The following CMIP variants were observed in gnomAD, a reference collection of about 807,000 sequenced individuals.
CMIP encodes C-Maf-inducing protein.
In CMIP, 13 loss-of-function variants were observed where a neutral mutation model predicts 97.3. That is an observed-to-expected ratio of 0.13 (90% CI 0.09 to 0.21). CMIP has a LOEUF of 0.21. CMIP is among the 10% of genes least tolerant of loss of function. CMIP has a pLI of 1.00. For missense variants in CMIP, 847 were observed against 1,024.9 expected, an observed-to-expected ratio of 0.83 and a Z score of 2.37; for synonymous variants, 538 against 436.3, an observed-to-expected ratio of 1.23 and a Z score of -2.91.
intron 3 of CMIP, among the ~76,000 whole-genome samples, chr16:81,650,528 C>T (rs563660537): frequency 4.6e-5 from 7 of 151,408 alleles, no homozygotes; most frequent in South Asian, 2.1e-4. Flanking sequence ...TTCATGGGGG[C>T]GACACCAGTG....
intron 1 of CMIP, among the ~76,000 whole-genome samples, chr16:81,508,364 C>T (rs575358852): frequency 9.9e-5 from 15 of 152,256 alleles, no homozygotes; most frequent in Middle Eastern, 3.4e-3. Flanking sequence ...TTTGTTTAAA[C>T]GAATGATAGA....
intron 1 of CMIP, among the ~76,000 whole-genome samples, chr16:81,465,059 G>C (rs1166315704): frequency 6.6e-6 from 1 of 152,022 alleles, no homozygotes; most frequent in Admixed American, 6.5e-5. Flanking sequence ...TGGTTCTTTT[G>C]GATATACATC....
At chr16:81,620,529 C>T (rs1484064321) in intron 2 of CMIP, 2 of 253,270 alleles carry the variant, frequency 7.9e-6, no homozygotes, top group Non-Finnish European at 1.6e-5. Context: ...CATCCTCACT[C>T]CCAGGCCTCC....
intron 3 of CMIP, among the ~76,000 whole-genome samples, chr16:81,646,982 T>C (rs2092371061): frequency 1.3e-5 from 2 of 152,222 alleles, no homozygotes; most frequent in Admixed American, 6.5e-5. Context: ...GGAACAGAAT[T>C]GCTGGGTCAT....
chr16:81,629,969 G>A (rs1275602284), intron 3 of CMIP, among the ~76,000 whole-genome samples: 1 of 152,182 alleles, frequency 6.6e-6, no homozygotes, highest in African/African-American at 2.4e-5. Flanking sequence ...CAGAGAGGAG[G>A]GGTATTTTTA....
At chr16:81,504,820 G>A (rs1280398292) in intron 1 of CMIP, among the ~76,000 whole-genome samples, 1 of 152,190 alleles carries the variant, frequency 6.6e-6, no homozygotes, top group African/African-American at 2.4e-5. Flanking sequence ...GCAAGAGTGA[G>A]GGTGTGGAAC....
intron 1 of CMIP, among the ~76,000 whole-genome samples, chr16:81,599,813 T>G (rs1360975015): frequency 6.6e-6 from 1 of 152,182 alleles, no homozygotes; most frequent in Non-Finnish European, 1.5e-5. Context: ...CCTCCCCGCC[T>G]TAGCATTGTT....
intron 1 of CMIP, among the ~76,000 whole-genome samples, chr16:81,512,318 G>T (rs117206028): frequency 6.6e-6 from 1 of 152,112 alleles, no homozygotes; most frequent in Non-Finnish European, 1.5e-5. Flanking sequence ...TCTTGCTGTG[G>T]TTGATGGGCA....
chr16:81,539,154 C>T (rs1263267423), intron 1 of CMIP, among the ~76,000 whole-genome samples: 1 of 152,196 alleles, frequency 6.6e-6, no homozygotes, highest in Non-Finnish European at 1.5e-5. Context: ...CAGAATCTTG[C>T]AGCGAAACAG....
chr16:81,527,358 G>T (rs1184639251), intron 1 of CMIP, among the ~76,000 whole-genome samples: 1 of 151,850 alleles, frequency 6.6e-6, no homozygotes, highest in Non-Finnish European at 1.5e-5. Context: ...TAAAGGAATA[G>T]CTAGATACCA....
At chr16:81,485,789 G>T (rs1460995754) in intron 1 of CMIP, among the ~76,000 whole-genome samples, 1 of 152,218 alleles carries the variant, frequency 6.6e-6, no homozygotes, top group African/African-American at 2.4e-5. Context: ...ATTCCCAAAT[G>T]CAGAAGGGGA....
chr16:81,581,370 C>A (rs1470464656), intron 1 of CMIP, among the ~76,000 whole-genome samples: 3 of 152,168 alleles, frequency 2.0e-5, no homozygotes, highest in African/African-American at 7.2e-5. Context: ...TAGCCTGCCT[C>A]ACACCTGGGC....
intron 1 of CMIP, among the ~76,000 whole-genome samples, chr16:81,525,977 CGTGT>C (rs57103908): frequency 0.031 from 4,687 of 149,982 alleles, 239 homozygotes; most frequent in African/African-American, 0.098. Context: ...ACTAATAATA[CGTGT>C]GTGTGTGTGT....
intron 1 of CMIP, among the ~76,000 whole-genome samples, chr16:81,454,301 G>A (rs1028825232): frequency 6.6e-6 from 1 of 152,166 alleles, no homozygotes; most frequent in African/African-American, 2.4e-5. Context: ...ATGCTCTAAT[G>A]GAGTCTCAGA....
chr16:81,506,965 A>C (rs2089721220), intron 1 of CMIP, among the ~76,000 whole-genome samples: 1 of 150,872 alleles, frequency 6.6e-6, no homozygotes, highest in South Asian at 2.1e-4. Context: ...CTAAAGAAAG[A>C]TCATCGGCCG....
At chr16:81,544,427 AGT>A (rs149240354) in intron 1 of CMIP, among the ~76,000 whole-genome samples, 10 of 150,836 alleles carry the variant, frequency 6.6e-5, no homozygotes, top group South Asian at 2.1e-4. Context: ...TCAGGGGGTA[AGT>A]GTGTGTGTGT....
In CMIP at chr16:81,453,511, A is replaced by G. The variant is rs1456556007; in HGVS notation, c.300+7970A>G. Among the ~76,000 whole-genome samples the G allele has an allele frequency of 5.3e-5, 8 of 152,206 alleles. No homozygotes were observed. The highest frequency in any genetic ancestry group is 3.3e-4 in the Admixed American group (5 of 15,286). On this transcript the variant is annotated intron_variant, in intron 1 of 20. Coordinates refer to ENST00000537098, the MANE Select transcript of CMIP (RefSeq NM_198390.3). The surrounding 1 kb of genome is among the most constrained non-coding windows in gnomAD (Gnocchi z 4.0). ...AGGATATCTGAAAATTGGAGCACAC[A>G]GTCTGAGCAGACCCAGGCCTGGCTC...
chr16:81,523,856 C>T (rs2090077029), intron 1 of CMIP, among the ~76,000 whole-genome samples: 1 of 152,236 alleles, frequency 6.6e-6, no homozygotes, highest in Non-Finnish European at 1.5e-5. Flanking sequence ...ATGTAACACC[C>T]AGCTCATCCC....
chr16:81,527,378 A>C (rs554913988), intron 1 of CMIP, among the ~76,000 whole-genome samples: 1 of 152,240 alleles, frequency 6.6e-6, no homozygotes, highest in East Asian at 1.9e-4. Flanking sequence ...AGAAAAAAAC[A>C]CCAACAGGGA....
Sources: allele counts gnomAD v4.1 joint callset (sites outside exome capture counted in the v4.1 genomes callset), GRCh38; gene constraint gnomAD v4.1.1; non-coding constraint Gnocchi (gnomAD v3.1); transcripts MANE v1.5; gene names NCBI Gene and HGNC (gene_info 2026-07-23, HGNC 2026-07-21).